Variants in LHPP observed in about 807,000 individuals in gnomAD.
The protein encoded by LHPP is phospholysine phosphohistidine inorganic pyrophosphate phosphatase, also known as hLHPP.
LHPP carries 24 observed loss-of-function variants against 30.3 expected under a neutral mutation model. The ratio of observed to expected loss-of-function variants is 0.79; its 90% CI spans 0.57 to 1.11. The LOEUF (loss-of-function observed/expected upper bound fraction) is 1.11, where lower values mean the gene tolerates loss of function less well. LHPP is among the 50% of genes most tolerant of loss of function. The pLI, the probability that LHPP is intolerant of heterozygous loss-of-function variation, is 0.00. For missense variants in LHPP, 356 were observed against 367.2 expected (o/e 0.97, Z 0.25); for synonymous variants, 150 against 157.1 (o/e 0.95, Z 0.34).
chr10:124,509,816 C>T (rs116171108), intron 5 of LHPP, among the ~76,000 whole-genome samples: 2,000 of 152,210 alleles, frequency 0.013, 50 homozygotes, highest in African/African-American at 0.046. Flanking sequence ...CCCAGCCCTG[C>T]TGCTTCCCGC....
At chr10:124,532,865 G>A (rs985682570) in intron 6 of LHPP, among the ~76,000 whole-genome samples, 1 of 152,196 alleles carries the variant, frequency 6.6e-6, no homozygotes, top group Non-Finnish European at 1.5e-5. Context: ...GTGGCAAAGT[G>A]TCCCGAGGAA....
chr10:124,503,231 T>A (rs1314973914), intron 5 of LHPP, among the ~76,000 whole-genome samples: 2 of 149,906 alleles, frequency 1.3e-5, no homozygotes, highest in Non-Finnish European at 3.0e-5. Context: ...CACGCCCATC[T>A]AATTTTGTGT....
At chr10:124,516,972 C>A (rs996863236) in intron 5 of LHPP, among the ~76,000 whole-genome samples, 4 of 152,122 alleles carry the variant, frequency 2.6e-5, no homozygotes, top group Admixed American at 2.0e-4. Flanking sequence ...ATATACTGTT[C>A]AAAGCTGTGG....
chr10:124,578,694 T>G (rs1232789630), intron 6 of LHPP, among the ~76,000 whole-genome samples: 1 of 152,180 alleles, frequency 6.6e-6, no homozygotes, highest in Non-Finnish European at 1.5e-5. Flanking sequence ...AGTTGCTGGA[T>G]GCAGGGCTTA....
intron 1 of LHPP, among the ~76,000 whole-genome samples, chr10:124,475,499 C>T (rs1009745699): frequency 6.6e-6 from 1 of 151,940 alleles, no homozygotes; most frequent in Non-Finnish European, 1.5e-5. Context: ...CAAGATCATG[C>T]CACTGCACTC....
chr10:124,598,444 G>A (rs1349859975), intron 6 of LHPP, among the ~76,000 whole-genome samples: 1 of 152,226 alleles, frequency 6.6e-6, no homozygotes, highest in Non-Finnish European at 1.5e-5. Context: ...CTGGTGGCCT[G>A]GCTGGGCGTG....
chr10:124,498,376 G>T, intron 5 of LHPP: 1 of 1,555,816 alleles, frequency 6.4e-7, no homozygotes, highest in Non-Finnish European at 8.7e-7. Flanking sequence ...GGCTTTTCCT[G>T]AGTTTTTGCT....
At chr10:124,597,527 G>A (rs756907931) in intron 6 of LHPP, among the ~76,000 whole-genome samples, 6 of 152,340 alleles carry the variant, frequency 3.9e-5, no homozygotes, top group Middle Eastern at 3.4e-3. Flanking sequence ...CTAAGTAGTG[G>A]GGCTGCGTGA....
At chr10:124,484,007 C>G in intron 1 of LHPP, 132 bp from the exon 2 acceptor site, 1 of 777,810 alleles carries the variant, frequency 1.3e-6, no homozygotes, top group South Asian at 1.7e-5. Context: ...GCCAGGACCC[C>G]CTCAGGGGCT....
intron 1 of LHPP, 93 bp downstream of exon 1, chr10:124,462,080 G>C (rs1952415606): frequency 9.0e-7 from 1 of 1,112,916 alleles, no homozygotes; most frequent in Non-Finnish European, 1.1e-6. Flanking sequence ...CAGGGGGCGG[G>C]GCCGCGGCGC....
In LHPP at chr10:124,523,375, G is replaced by A. The variant is rs945212147; in HGVS notation, c.716+6104G>A. ...AAAGCTGGAAGACGAGGGGCTGCAG[G>A]GTGCATGGCTGTGGAGCTGGCTGCG... On this transcript the variant is annotated intron_variant, in intron 6 of 6. Coordinates refer to ENST00000368842, the MANE Select transcript of LHPP (RefSeq NM_022126.4). This position sits in a 1 kb window ranked among gnomAD's most constrained non-coding sequence, Gnocchi z 4.2. Among the ~76,000 whole-genome samples, 2 of 152,228 alleles carry A rather than the reference G, an allele frequency of 1.3e-5. No individual in the cohort carries two copies. The highest frequency in any genetic ancestry group is 4.8e-5 in the African/African-American group (2 of 41,456).
intron 4 of LHPP, among the ~76,000 whole-genome samples, chr10:124,497,369 G>A (rs532868722): frequency 1.3e-5 from 2 of 151,986 alleles, no homozygotes; most frequent in Admixed American, 6.6e-5. Context: ...CACTCCTCTC[G>A]GGCTTGTGGC....
intron 5 of LHPP, among the ~76,000 whole-genome samples, chr10:124,506,265 C>CCCCT (rs1554883772): frequency 3.8e-5 from 4 of 104,098 alleles, no homozygotes; most frequent in Non-Finnish European, 7.7e-5. Context: ...AACAACAAAC[C>CCCCT]CCCCCCCCAC....
rs1297029766 is a variant in LHPP at position 124,592,719 on chromosome 10, A to G, written c.717-20545A>G. ...GTGGCTTCCCAGTAAACGGTGGGAC[A>G]GGACCAGGGTCTGAGGAAAAGCAAA... On this transcript the variant is annotated intron_variant, in intron 6 of 6. Transcript: ENST00000368842. The surrounding 1 kb of genome is among the most constrained non-coding windows in gnomAD (Gnocchi z 6.2). Among the ~76,000 whole-genome samples, 1 of 152,246 alleles carries G rather than the reference A, an allele frequency of 6.6e-6. No homozygotes were observed. The highest frequency in any genetic ancestry group is 1.5e-5 in the Non-Finnish European group (1 of 68,038).
At chr10:124,566,892 C>T (rs909775966) in intron 6 of LHPP, among the ~76,000 whole-genome samples, 7 of 152,202 alleles carry the variant, frequency 4.6e-5, no homozygotes, top group South Asian at 2.1e-4. Flanking sequence ...CCGTGCTGGT[C>T]GCACATCCCT....
At chr10:124,495,571 G>A (rs560186184) in intron 3 of LHPP, among the ~76,000 whole-genome samples, 4 of 152,338 alleles carry the variant, frequency 2.6e-5, no homozygotes, top group Admixed American at 1.3e-4. Flanking sequence ...AAAGGGACAG[G>A]CAGGGTGCCC....
chr10:124,491,417 T>C (rs1391316387), intron 3 of LHPP, among the ~76,000 whole-genome samples: 3 of 152,170 alleles, frequency 2.0e-5, no homozygotes, highest in Admixed American at 1.3e-4. Flanking sequence ...GTGTACCCCG[T>C]TTTGTGTAAT....
intron 6 of LHPP, among the ~76,000 whole-genome samples, chr10:124,524,518 C>T (rs1440698971): frequency 3.3e-5 from 5 of 152,106 alleles, no homozygotes; most frequent in African/African-American, 7.2e-5. Flanking sequence ...CTCAAATGAT[C>T]CCCCCGCCTT....
chr10:124,547,240 A>G (rs7074039), intron 6 of LHPP, among the ~76,000 whole-genome samples: 151,734 of 152,352 alleles, frequency 1, 75,567 homozygotes, highest in Non-Finnish European at 1. Flanking sequence ...GTTCCAGTTC[A>G]TTCCTGCAGT....
Sources: gnomAD v4.1 joint callset for allele counts (sites outside exome capture counted in the v4.1 genomes callset) on GRCh38, gnomAD v4.1.1 for gene constraint, Gnocchi (gnomAD v3.1) non-coding constraint, MANE v1.5 for transcripts, NCBI Gene and HGNC (gene_info 2026-07-23, HGNC 2026-07-21) for gene names.